Variants in TNRC6B observed in about 807,000 individuals in gnomAD.
TNRC6B encodes trinucleotide repeat containing adaptor 6B.
TNRC6B carries 52 observed loss-of-function variants against 203.6 expected under a neutral mutation model. That is an observed-to-expected ratio of 0.26 (90% CI 0.20 to 0.32). TNRC6B has a LOEUF of 0.32. TNRC6B is among the 10% of genes least tolerant of loss of function. The pLI, the probability that TNRC6B is intolerant of heterozygous loss-of-function variation, is 1.00. For synonymous variants in TNRC6B, 838 were observed against 845.7 expected (o/e 0.99, Z 0.16); for missense variants, 1,923 against 2,286.2 (o/e 0.84, Z 3.24).
At chr22:40,080,272 T>A (rs2068054443) in intron 1 of TNRC6B, among the ~76,000 whole-genome samples, 1 of 151,792 alleles carries the variant, frequency 6.6e-6, no homozygotes, top group Non-Finnish European at 1.5e-5. Flanking sequence ...GATAACCAGT[T>A]GTCCCTAGGG....
At position 40,266,287 on chromosome 22, in the gene TNRC6B, C is replaced by G. The variant is rs770013929; in HGVS notation, c.2057C>G (p.Ser686Cys). 1 of 1,591,968 alleles carries G rather than the reference C, an allele frequency of 6.3e-7. No homozygotes were observed. Among genetic ancestry groups the G allele is most frequent in the South Asian group, 1.1e-5 (1 of 88,442 alleles). Residue 686 changes from serine to cysteine, a missense_variant, in exon 5 of 23, where the codon TCT (serine) becomes TGT (cysteine). Ser to Cys is a moderately radical substitution (Grantham distance 112). Transcript: ENST00000454349. ...MKSGWGELSA[S>C]TEWKDPKNTG... ...TCTGGATGGGGGGAGCTCTCAGCCT[C>G]TACAGAGTGGAAAGACCCCAAGAAC...
intron 12 of TNRC6B, 65 bp from the exon 13 acceptor site, chr22:40,300,388 AAC>A (rs1234770490): frequency 8.5e-6 from 12 of 1,412,862 alleles, no homozygotes; most frequent in Non-Finnish European, 7.5e-6. Context: ...TTCACAGAAA[AAC>A]AGTTTTATTT....
intron 3 of TNRC6B, among the ~76,000 whole-genome samples, chr22:40,154,696 C>T (rs2068795043): frequency 6.7e-6 from 1 of 149,072 alleles, no homozygotes; most frequent in Admixed American, 6.7e-5. Flanking sequence ...AAAAAATTAG[C>T]TGAGCATAGT....
chr22:40,176,538 A>T (rs893286796), upstream of TNRC6B, among the ~76,000 whole-genome samples: 16 of 152,062 alleles, frequency 1.1e-4, no homozygotes, highest in Non-Finnish European at 2.1e-4. Flanking sequence ...CATTTTTTAT[A>T]TTCAGGTGGC....
chr22:40,256,075 A>C (rs1454061358), intron 3 of TNRC6B, among the ~76,000 whole-genome samples: 3 of 152,108 alleles, frequency 2.0e-5, no homozygotes, highest in African/African-American at 7.2e-5. Flanking sequence ...GAATTGAGAG[A>C]GGCTTTAGTT....
chr22:40,203,176 A>G (rs948237215), intron 1 of TNRC6B, among the ~76,000 whole-genome samples: 2 of 152,086 alleles, frequency 1.3e-5, no homozygotes, highest in African/African-American at 4.8e-5. Context: ...GGTAGCTCAA[A>G]ACATATTTTT....
At chr22:40,276,090 G>A (rs575775358) in intron 7 of TNRC6B, among the ~76,000 whole-genome samples, 3 of 152,292 alleles carry the variant, frequency 2.0e-5, no homozygotes, top group South Asian at 4.1e-4. Context: ...GCTCACACCT[G>A]TAATCCCAGC....
At chr22:40,269,448 T>C (rs1483253417) in intron 5 of TNRC6B, among the ~76,000 whole-genome samples, 1 of 152,094 alleles carries the variant, frequency 6.6e-6, no homozygotes, top group Non-Finnish European at 1.5e-5. Flanking sequence ...ACAGTACTTC[T>C]TTTATGGGTG....
At chr22:40,047,192 G>A (rs920858930) in intron 1 of TNRC6B, among the ~76,000 whole-genome samples, 2 of 152,134 alleles carry the variant, frequency 1.3e-5, no homozygotes, top group African/African-American at 4.8e-5. Flanking sequence ...GAGAGCCTAC[G>A]CGTGTTTCAT....
chr22:40,133,356 A>G (rs962529752), intron 3 of TNRC6B, among the ~76,000 whole-genome samples: 3 of 152,126 alleles, frequency 2.0e-5, no homozygotes, highest in Non-Finnish European at 2.9e-5. Context: ...TAATGCAACA[A>G]ACATTTATTG....
At chr22:40,183,580 G>A (rs1369364385) in intron 1 of TNRC6B, among the ~76,000 whole-genome samples, 1 of 152,116 alleles carries the variant, frequency 6.6e-6, no homozygotes, top group Non-Finnish European at 1.5e-5. Context: ...AAATGAATTG[G>A]TCTTAGAGTT....
chr22:40,211,458 C>A (rs2069562068), intron 1 of TNRC6B, among the ~76,000 whole-genome samples: 1 of 152,008 alleles, frequency 6.6e-6, no homozygotes, highest in African/African-American at 2.4e-5. Context: ...TCTAGTAGTT[C>A]AGGAACACCA....
intron 1 of TNRC6B, among the ~76,000 whole-genome samples, chr22:40,233,193 C>T (rs1202790974): frequency 6.6e-6 from 1 of 151,836 alleles, no homozygotes; most frequent in East Asian, 1.9e-4. Flanking sequence ...TGTGGTGCCT[C>T]GTTCCTGTAG....
intron 1 of TNRC6B, among the ~76,000 whole-genome samples, chr22:40,238,744 T>A (rs1339822924): frequency 6.6e-6 from 1 of 152,234 alleles, no homozygotes; most frequent in Non-Finnish European, 1.5e-5. Flanking sequence ...CTCTGTCAGG[T>A]GAACTGTCTT....
chr22:40,308,159 G>A (rs1330857720), intron 15 of TNRC6B, among the ~76,000 whole-genome samples: 1 of 152,186 alleles, frequency 6.6e-6, no homozygotes, highest in Non-Finnish European at 1.5e-5. Context: ...CTTTGTTGCT[G>A]CTGTTGCGCT....
rs149037132 is a variant in TNRC6B at position 40,084,753 on chromosome 22, T to C, written c.-120-32302T>C. ...AGGAGGCTAGGAAGGCTGGAGTTTA[T>C]TGGGCTGAGAAAGGGTGGGATGAAA... is the stretch of plus-strand genomic sequence containing the variant. On this transcript the variant is annotated intron_variant, in intron 1 of 23. Coordinates refer to the TNRC6B transcript ENST00000301923. Among the ~76,000 whole-genome samples, 6 of 152,268 alleles carry C rather than the reference T, an allele frequency of 3.9e-5. 1 individual carries two copies. Among genetic ancestry groups the C allele is most frequent in the Non-Finnish European group, 8.8e-5 (6 of 68,002 alleles).
chr22:40,149,115 C>G (rs1016043611), intron 3 of TNRC6B, among the ~76,000 whole-genome samples: 4 of 152,116 alleles, frequency 2.6e-5, no homozygotes, highest in Non-Finnish European at 5.9e-5. Flanking sequence ...TAGCAAAAAT[C>G]GAAACAACTC....
rs546262756 is a variant in TNRC6B, at chr22:40,189,918, A to G, written c.5+11778A>G. On this transcript the variant is annotated intron_variant, in intron 1 of 22. Transcript: ENST00000454349. ...ATTTCAAAGAAAAAAAAATTTTAAC[A>G]AAAAAGTAGAATGAACAGTCTCAGA... Among the ~76,000 whole-genome samples the G allele has an allele frequency of 3.3e-4, 50 of 152,322 alleles. 1 individual carries two copies. The highest frequency in any genetic ancestry group is 1.2e-3 in the African/African-American group (49 of 41,570).
chr22:40,160,849 C>A (rs1003191555), intron 4 of TNRC6B, among the ~76,000 whole-genome samples: 1 of 152,172 alleles, frequency 6.6e-6, no homozygotes, highest in Non-Finnish European at 1.5e-5. Flanking sequence ...GGATTACAGG[C>A]ATGCACTATC....
Sources: allele counts gnomAD v4.1 joint callset (sites outside exome capture counted in the v4.1 genomes callset), GRCh38; gene constraint gnomAD v4.1.1; transcripts MANE v1.5; gene names NCBI Gene and HGNC (gene_info 2026-07-23, HGNC 2026-07-21).